The following KCNN3 variants were observed in gnomAD, a reference collection of about 807,000 sequenced individuals.
KCNN3 encodes the protein potassium calcium-activated channel subfamily N member 3.
In KCNN3, 16 loss-of-function variants were observed where a neutral mutation model predicts 62.9. The ratio of observed to expected loss-of-function variants is 0.25; its 90% CI spans 0.17 to 0.39. The LOEUF (loss-of-function observed/expected upper bound fraction) is 0.39. KCNN3 is among the 10% of genes least tolerant of loss of function. The probability of loss-of-function intolerance (pLI) is 1.00; values close to 1 mark genes in which losing one functional copy is unlikely to be tolerated. For missense variants in KCNN3, 599 were observed against 949.4 expected, an observed-to-expected ratio of 0.63 and a Z score of 4.85; for synonymous variants, 370 against 389.2, an observed-to-expected ratio of 0.95 and a Z score of 0.58.
intron 1 of KCNN3, among the ~76,000 whole-genome samples, chr1:154,836,783 T>C (rs1571323884): frequency 6.6e-6 from 1 of 152,220 alleles, no homozygotes; most frequent in African/African-American, 2.4e-5. Context: ...CCGCCGCCCC[T>C]GGGCTCCCTC....
intron 3 of KCNN3, 38 bp downstream of exon 3, chr1:154,771,937 G>A: frequency 6.2e-7 from 1 of 1,606,526 alleles, no homozygotes; most frequent in Non-Finnish European, 8.5e-7. Flanking sequence ...CCCTGTCCCA[G>A]CACAGGCTCT....
At chr1:154,730,993 A>AGGAAGCCAGGTCTTTGG (rs1553228757) in intron 4 of KCNN3, among the ~76,000 whole-genome samples, 2 of 152,190 alleles carry the variant, frequency 1.3e-5, no homozygotes, top group African/African-American at 4.8e-5. Context: ...TCCAGGAACC[A>AGGAAGCCAGGTCTTTGG]GGAAGCCAGG....
intron 1 of KCNN3, among the ~76,000 whole-genome samples, chr1:154,847,215 C>T (rs1416288384): frequency 6.6e-6 from 1 of 152,098 alleles, no homozygotes; most frequent in Non-Finnish European, 1.5e-5. Context: ...CCCCCCCCTG[C>T]CCTCGGGGAG....
intron 2 of KCNN3, among the ~76,000 whole-genome samples, chr1:154,789,762 C>A (rs1649431525): frequency 1.3e-5 from 2 of 152,122 alleles, no homozygotes; most frequent in Admixed American, 6.5e-5. Flanking sequence ...ACATCCTAAG[C>A]CCACTGAAAA....
intron 6 of KCNN3, 40 bp from the exon 7 acceptor site, chr1:154,713,573 A>T: frequency 6.4e-7 from 1 of 1,558,972 alleles, no homozygotes. Flanking sequence ...CTTCAAGTCC[A>T]TGCAAAGGTT....
At chr1:154,798,906 C>T (rs1649841230) in intron 2 of KCNN3, among the ~76,000 whole-genome samples, 1 of 137,570 alleles carries the variant, frequency 7.3e-6, no homozygotes. Flanking sequence ...ACAACACTGA[C>T]ACTTATTGCA....
chr1:154,750,064 A>G (rs1647295033), intron 3 of KCNN3, among the ~76,000 whole-genome samples: 1 of 152,246 alleles, frequency 6.6e-6, no homozygotes, highest in Non-Finnish European at 1.5e-5. Flanking sequence ...CCCACAGCCA[A>G]GTCACCTGAG....
At chr1:154,769,818 G>A (rs1263469724) in intron 3 of KCNN3, among the ~76,000 whole-genome samples, 2 of 152,208 alleles carry the variant, frequency 1.3e-5, no homozygotes, top group Non-Finnish European at 2.9e-5. Flanking sequence ...AAGTTGGGCT[G>A]TTCTAATTAA....
At chr1:154,822,239 C>A (rs1350417935) in intron 1 of KCNN3, 55 bp from the exon 2 acceptor site, 1 of 1,298,340 alleles carries the variant, frequency 7.7e-7, no homozygotes, top group Non-Finnish European at 1.1e-6. Flanking sequence ...GAGCGTCTCA[C>A]TTTATTCTGC....
At chr1:154,828,763 T>A (rs1651255314) in intron 1 of KCNN3, among the ~76,000 whole-genome samples, 1 of 152,250 alleles carries the variant, frequency 6.6e-6, no homozygotes, top group Non-Finnish European at 1.5e-5. Flanking sequence ...ACACCCCTTC[T>A]CTTGCCATAC....
rs535407511 is a variant in KCNN3, at chr1:154,858,817, C to T, written c.933+10215G>A. On this transcript the variant is annotated intron_variant, in intron 1 of 7. Transcript: ENST00000271915. ...AGGTCCTGGACTCAACCGATCCTCC[C>T]GCCTCAGCCTCCCAAAGTGCTGGAT... Among the ~76,000 whole-genome samples, 11 of 152,028 alleles carry T rather than the reference C, an allele frequency of 7.2e-5. No homozygotes were observed. In the East Asian group the frequency reaches 1.2e-3, roughly 16 times the overall value.
chr1:154,780,113 CGAGCTTCAG>C (rs1557972161), intron 2 of KCNN3, among the ~76,000 whole-genome samples: 4 of 151,940 alleles, frequency 2.6e-5, no homozygotes, highest in African/African-American at 9.7e-5. Context: ...TGGCACAGCC[CGAGCTTCAG>C]ACTTGCGAGG....
At position 154,809,334 on chromosome 1, in the gene KCNN3, G is replaced by A. The variant is rs374421850; in HGVS notation, c.1029+12755C>T. ...ACAGCTCTGTCCCATACCAGGCACCGTGCCCCTCACAGAGCATGGCTCAAT... is the reference window on the plus strand; with the variant it reads ...ACAGCTCTGTCCCATACCAGGCACCATGCCCCTCACAGAGCATGGCTCAAT... On this transcript the variant is annotated intron_variant, in intron 2 of 7. Transcript: ENST00000271915. The surrounding 1 kb of genome is among the most constrained non-coding windows in gnomAD (Gnocchi z 4.3). Among the ~76,000 whole-genome samples the A allele has an allele frequency of 8.5e-5, 13 of 152,296 alleles. No individual in the cohort carries two copies. The East Asian group carries it at 2.3e-3, about 27-fold the overall frequency.
chr1:154,727,579 C>T (rs1249530206), intron 4 of KCNN3, among the ~76,000 whole-genome samples: 1 of 152,210 alleles, frequency 6.6e-6, no homozygotes, highest in African/African-American at 2.4e-5. Flanking sequence ...TTTCTCAGTA[C>T]ATTTGTTGGC....
chr1:154,779,881 C>G (rs1184681083), intron 2 of KCNN3, among the ~76,000 whole-genome samples: 1 of 152,198 alleles, frequency 6.6e-6, no homozygotes, highest in Admixed American at 6.5e-5. Context: ...GTCACAGGCC[C>G]TCTCCCTTGT....
intron 1 of KCNN3, among the ~76,000 whole-genome samples, chr1:154,843,562 G>A (rs181409280): frequency 7.7e-4 from 117 of 152,236 alleles, no homozygotes; most frequent in African/African-American, 2.1e-3. Flanking sequence ...CACTGCGCCC[G>A]GCCCCTCATC....
At position 154,758,617 on chromosome 1, in the gene KCNN3, C is replaced by G. The variant is rs1204951357; in HGVS notation, c.1448+13358G>C. Among the ~76,000 whole-genome samples the G allele has an allele frequency of 2.6e-5, 4 of 152,100 alleles. No individual in the cohort carries two copies. In the East Asian group the frequency reaches 7.7e-4, roughly 29 times the overall value. On this transcript the variant is annotated intron_variant, in intron 3 of 7. Transcript: ENST00000271915. ...AGGCAGCCAGGGGACTTTGGCTGCC[C>G]TTAAACTCTCTGTGCAGTGGGGGGC...
intron 3 of KCNN3, among the ~76,000 whole-genome samples, chr1:154,747,941 C>T (rs193284068): frequency 9.2e-5 from 14 of 152,284 alleles, no homozygotes; most frequent in South Asian, 2.1e-4. Flanking sequence ...TCACCTCCTC[C>T]GGAAAGCCGT....
At chr1:154,859,856 T>C in intron 1 of KCNN3, 1 of 1,581,904 alleles carries the variant, frequency 6.3e-7, no homozygotes, top group Non-Finnish European at 8.6e-7. Flanking sequence ...AATTTGACAC[T>C]GAGCAGCACT....
Sources: gnomAD v4.1 joint callset for allele counts (sites outside exome capture counted in the v4.1 genomes callset) on GRCh38, gnomAD v4.1.1 for gene constraint, Gnocchi (gnomAD v3.1) non-coding constraint, MANE v1.5 for transcripts, NCBI Gene and HGNC (gene_info 2026-07-23, HGNC 2026-07-21) for gene names.